Variants in HUWE1 observed in about 807,000 individuals in gnomAD.
The protein encoded by HUWE1 is E3 ubiquitin-protein ligase HUWE1.
In HUWE1, 18 loss-of-function variants were observed where a neutral mutation model predicts 299.4. The observed-to-expected ratio is 0.06, with a 90% CI of 0.04 to 0.09. The LOEUF is 0.09. Among genes scored for constraint, HUWE1 ranks in the 10% least tolerant of loss-of-function variants. The probability of loss-of-function intolerance (pLI) is 1.00; values close to 1 mark genes in which losing one functional copy is unlikely to be tolerated. For missense variants in HUWE1, 1,832 were observed against 3,462.3 expected, an observed-to-expected ratio of 0.53 and a Z score of 11.82; for synonymous variants, 1,317 against 1,286.1, an observed-to-expected ratio of 1.02 and a Z score of -0.51.
At chrX:53,642,834 T>G (rs1449088575) in intron 7 of HUWE1, among the ~76,000 whole-genome samples, 1 of 112,503 alleles carries the variant, frequency 8.9e-6, no homozygotes, top group African/African-American at 3.2e-5. Flanking sequence ...GTTCCTTGGA[T>G]ATTCTACATT....
At chrX:53,644,800 C>A (rs1464773117) in intron 7 of HUWE1, among the ~76,000 whole-genome samples, 2 of 111,968 alleles carry the variant, frequency 1.8e-5, no homozygotes, top group Non-Finnish European at 3.8e-5. Flanking sequence ...TCTGGGAACA[C>A]TGGACAATAG....
rs1556941739 is a variant in HUWE1, at chrX:53,562,103, C to T, written c.7338+8G>A. On this transcript the variant is annotated splice_region_variant and intron_variant, in intron 54 of 83. Coordinates refer to ENST00000262854, the MANE Select transcript of HUWE1 (RefSeq NM_031407.7). ...ATCTGAACCAACCCAAACGCAGTCC[C>T]CCCTCACCTGATCATCTTCCTCATC... 1.7e-6 allele frequency: 2 copies of T among 1,210,159 alleles called. No homozygotes were observed.
chrX:53,581,264 G>A (rs2063600350), intron 42 of HUWE1, among the ~76,000 whole-genome samples: 1 of 112,115 alleles, frequency 8.9e-6, no homozygotes, highest in African/African-American at 3.2e-5. Flanking sequence ...ACTGGGAGAT[G>A]TGTCAAGACT....
Position 53,541,120 on chromosome X carries a change from C to A in HUWE1, c.11477-1308G>T, listed in dbSNP as rs782028927. ...CAAAATGTATTCTATGTATGACTGACTTTGAGAAATGCTGCTAACAATAGC... is the reference window on the plus strand; with the variant it reads ...CAAAATGTATTCTATGTATGACTGAATTTGAGAAATGCTGCTAACAATAGC... On this transcript the variant is annotated intron_variant, in intron 74 of 83. Coordinates refer to ENST00000262854, the MANE Select transcript of HUWE1 (RefSeq NM_031407.7). 7.1e-5 allele frequency among the ~76,000 whole-genome samples: 8 copies of A among 112,431 alleles called. No individual in the cohort carries two copies. In the South Asian group the frequency reaches 2.9e-3, roughly 41 times the overall value.
intron 31 of HUWE1, among the ~76,000 whole-genome samples, chrX:53,594,109 A>G (rs782674420): frequency 3.6e-5 from 4 of 111,857 alleles, no homozygotes; most frequent in Admixed American, 2.8e-4. Flanking sequence ...AAAAAACAAA[A>G]AACAAAACAA....
At chrX:53,609,110 G>A (rs2065302840) in intron 23 of HUWE1, among the ~76,000 whole-genome samples, 1 of 111,325 alleles carries the variant, frequency 9.0e-6, no homozygotes, top group African/African-American at 3.3e-5. Context: ...TTGCTTCCCA[G>A]GCTTATGGGG....
intron 50 of HUWE1, 27 bp downstream of exon 50, chrX:53,565,040 T>C: frequency 8.4e-7 from 1 of 1,196,160 alleles, no homozygotes; most frequent in Non-Finnish European, 1.1e-6. Context: ...CTCCCACCTC[T>C]CCAGTCCATT....
At chrX:53,586,352 G>C in intron 39 of HUWE1, 138 bp downstream of exon 39, 1 of 475,421 alleles carries the variant, frequency 2.1e-6, no homozygotes, top group Non-Finnish European at 3.7e-6. Flanking sequence ...GAGAAACCTA[G>C]CTATGAAAAT....
At chrX:53,578,470 C>A (rs1396616948) in intron 43 of HUWE1, among the ~76,000 whole-genome samples, 1 of 95,687 alleles carries the variant, frequency 1.0e-5, no homozygotes, top group Non-Finnish European at 2.1e-5. Context: ...GTCGCCCCGT[C>A]CAGGAGGGAG....
intron 66 of HUWE1, among the ~76,000 whole-genome samples, chrX:53,550,440 C>T (rs1300402324): frequency 6.3e-5 from 7 of 111,987 alleles, no homozygotes; most frequent in Non-Finnish European, 1.3e-4. Context: ...CACCTGCTGC[C>T]GGCCTGCTTT....
intron 43 of HUWE1, among the ~76,000 whole-genome samples, chrX:53,578,490 T>G (rs1273227229): frequency 5.4e-5 from 4 of 74,520 alleles, no homozygotes; most frequent in Non-Finnish European, 1.0e-4. Context: ...GGTGGGGGGG[T>G]CAGCCCCCGG....
chrX:53,542,447 G>A lies in HUWE1; in HGVS notation c.11472C>T (p.Ser3824=). Reference sequence around the variant, plus strand: ...GAAACAGGAAGTAGTACTGACCAATGGATTGAGTATCTTGAGCACTGGGAG... The same window carrying A: ...GAAACAGGAAGTAGTACTGACCAATAGATTGAGTATCTTGAGCACTGGGAG... ...QPSPSAQDTQ[S]IASDGTPQGE... is the part of the protein sequence containing the mutation. Residue 3824 remains serine, a synonymous_variant, in exon 74 of 84, where the codon TCC becomes TCT. Transcript: ENST00000262854. 8.5e-7 allele frequency: 1 copy of A among 1,170,884 alleles called. No homozygotes were observed.
chrX:53,666,533 C>T (rs1557047690), intron 3 of HUWE1, among the ~76,000 whole-genome samples: 1 of 111,257 alleles, frequency 9.0e-6, no homozygotes. Context: ...CCATTCTATC[C>T]TCCACATTGT....
intron 3 of HUWE1, among the ~76,000 whole-genome samples, chrX:53,664,249 G>A (rs1383477046): frequency 9.0e-6 from 1 of 111,038 alleles, no homozygotes; most frequent in Non-Finnish European, 1.9e-5. Flanking sequence ...CAGGGTTTTC[G>A]CCATGTTGTC....
chrX:53,671,573 G>A lies in HUWE1; in HGVS notation c.-25+8476C>T, dbSNP rs2069531673. On this transcript the variant is annotated intron_variant, in intron 3 of 83. Coordinates refer to ENST00000262854, the MANE Select transcript of HUWE1 (RefSeq NM_031407.7). ...TGGGAGGCCGAGGCGGGCGGATCAC[G>A]AGGTCAGGAGATCGAGACCATCCTG... is the stretch of plus-strand genomic sequence containing the variant. Among the ~76,000 whole-genome samples the A allele has an allele frequency of 1.1e-4, 12 of 110,961 alleles. No individual in the cohort carries two copies. In the South Asian group the frequency reaches 4.6e-3, roughly 42 times the overall value.
chrX:53,627,272 A>AG (rs2066574831), intron 17 of HUWE1, 138 bp downstream of exon 17: 2 of 403,933 alleles, frequency 5.0e-6, no homozygotes, highest in Non-Finnish European at 8.6e-6. Flanking sequence ...TCACTTACAT[A>AG]GAAAAAAAAT....
chrX:53,553,064 A>G (rs1431259907), intron 61 of HUWE1, among the ~76,000 whole-genome samples, 171 bp from the exon 62 acceptor site: 1 of 111,562 alleles, frequency 9.0e-6, no homozygotes, highest in Non-Finnish European at 1.9e-5. Flanking sequence ...GTTCAGCTGA[A>G]GCCCTTTCTA....
intron 24 of HUWE1, 45 bp from the exon 25 acceptor site, chrX:53,607,744 G>GA (rs1190709168): frequency 1.1e-6 from 1 of 884,750 alleles, no homozygotes; most frequent in African/African-American, 2.0e-5. Flanking sequence ...CTGACAGGTG[G>GA]AACTAAATGG....
chrX:53,572,224 GAACTACAA>G (rs1469669699), intron 47 of HUWE1, among the ~76,000 whole-genome samples: 19 of 111,394 alleles, frequency 1.7e-4, no homozygotes, highest in Non-Finnish European at 1.1e-4. Flanking sequence ...CCATTTACAT[GAACTACAA>G]AACCAAATTA....
Sources: allele counts gnomAD v4.1 joint callset (sites outside exome capture counted in the v4.1 genomes callset), GRCh38; gene constraint gnomAD v4.1.1; transcripts MANE v1.5; gene names NCBI Gene and HGNC (gene_info 2026-07-23, HGNC 2026-07-21).